Variants in GRIN3A observed in about 807,000 individuals in gnomAD.
GRIN3A encodes the protein glutamate receptor ionotropic, NMDA 3A.
GRIN3A carries 47 observed loss-of-function variants against 92.4 expected under a neutral mutation model. The observed-to-expected ratio is 0.51, with a 90% confidence interval of 0.40 to 0.65. The LOEUF is 0.65. GRIN3A is among the 30% of genes least tolerant of loss of function. GRIN3A has a pLI of 0.00. For missense variants in GRIN3A, 1,324 were observed against 1,393.1 expected (o/e 0.95, Z 0.79); for synonymous variants, 527 against 540.6 (o/e 0.97, Z 0.35).
intron 4 of GRIN3A, 96 bp downstream of exon 4, chr9:101,628,160 T>C (rs1008186088): frequency 8.2e-7 from 1 of 1,220,290 alleles, no homozygotes; most frequent in African/African-American, 1.5e-5. Context: ...GGTATATTCA[T>C]CTGTCATTTT....
chr9:101,702,569 C>T (rs1829769360), intron 1 of GRIN3A, among the ~76,000 whole-genome samples: 1 of 152,124 alleles, frequency 6.6e-6, no homozygotes, highest in Non-Finnish European at 1.5e-5. Flanking sequence ...TGTCATTTCT[C>T]TAAGTTTGGT....
At chr9:101,722,483 C>T (rs534530849) in intron 1 of GRIN3A, among the ~76,000 whole-genome samples, 57 of 152,322 alleles carry the variant, frequency 3.7e-4, no homozygotes, top group Middle Eastern at 3.4e-3. Flanking sequence ...AATGGCAGAT[C>T]CACCAACAGC....
At chr9:101,705,413 C>T (rs1829803537) in intron 1 of GRIN3A, among the ~76,000 whole-genome samples, 1 of 152,166 alleles carries the variant, frequency 6.6e-6, no homozygotes, top group Non-Finnish European at 1.5e-5. Flanking sequence ...CTTCCCACTC[C>T]AGCTCCCCAT....
chr9:101,646,670 T>A (rs1205787146), intron 3 of GRIN3A, among the ~76,000 whole-genome samples: 1 of 151,924 alleles, frequency 6.6e-6, no homozygotes, highest in Non-Finnish European at 1.5e-5. Context: ...TCTTTCCATT[T>A]TTTTCTGTCC....
At chr9:101,638,206 A>G (rs1401030327) in intron 3 of GRIN3A, among the ~76,000 whole-genome samples, 1 of 152,128 alleles carries the variant, frequency 6.6e-6, no homozygotes, top group East Asian at 1.9e-4. Context: ...GCCTATCATC[A>G]TGGTCTCCAA....
At chr9:101,728,973 C>G (rs141527722) in intron 1 of GRIN3A, among the ~76,000 whole-genome samples, 1 of 152,180 alleles carries the variant, frequency 6.6e-6, no homozygotes, top group East Asian at 1.9e-4. Context: ...AGATGAAGCC[C>G]GTATGAAAAA....
chr9:101,649,414 G>A (rs1828981263), intron 3 of GRIN3A, among the ~76,000 whole-genome samples: 1 of 151,970 alleles, frequency 6.6e-6, no homozygotes, highest in Non-Finnish European at 1.5e-5. Context: ...CACTCCAGGT[G>A]GTTCAGCCAT....
At chr9:101,604,327 A>T (rs1828249268) in intron 6 of GRIN3A, among the ~76,000 whole-genome samples, 1 of 152,244 alleles carries the variant, frequency 6.6e-6, no homozygotes, top group Non-Finnish European at 1.5e-5. Context: ...AGACAGATGA[A>T]GATGAGGTCT....
At chr9:101,703,740 C>G (rs139829969) in intron 1 of GRIN3A, among the ~76,000 whole-genome samples, 12 of 152,286 alleles carry the variant, frequency 7.9e-5, no homozygotes, top group African/African-American at 2.4e-4. Context: ...TAACGCATTT[C>G]TCAGAAATTG....
In GRIN3A at chr9:101,670,914, C is replaced by A. The variant is rs750665911; in HGVS notation, c.1498G>T (p.Ala500Ser). 6.2e-7 allele frequency: 1 copy of A among 1,613,142 alleles called. No homozygotes were observed. Among genetic ancestry groups the A allele is most frequent in the South Asian group, 1.1e-5 (1 of 91,044 alleles). Reference sequence around the variant, plus strand: ...TGGAAGTGGGTTTTGTGTCTCTGGGCCTGCTCTGGCCATATTCCATAGTCC... The same window carrying A: ...TGGAAGTGGGTTTTGTGTCTCTGGGACTGCTCTGGCCATATTCCATAGTCC... ...VMDYGIWPEQ[A>S]QRHKTHFQHP... The change falls in exon 3 of 9, where the codon GCC becomes TCC. Residue 500 changes from alanine to serine, a missense_variant. By Grantham distance (99) the Ala-to-Ser change is moderately conservative. Coordinates refer to ENST00000361820, the MANE Select transcript of GRIN3A (RefSeq NM_133445.3).
Position 101,737,974 on chromosome 9 carries a change from C to T in GRIN3A, c.6G>A (p.Arg2=), listed in dbSNP as rs1199902423. The change falls in exon 1 of 9, where the codon AGG becomes AGA. Residue 2 remains arginine (R), a synonymous_variant. Coordinates refer to ENST00000361820, the MANE Select transcript of GRIN3A (RefSeq NM_133445.3). ...TCAGCAGCCACCACAAACTCAGTCT[C>T]CTCATTACTGAGACCCGCAGGGAGA... M[R]RLSLWWLLSR... 5 of 1,535,136 alleles carry T rather than the reference C, an allele frequency of 3.3e-6. No individual in the cohort carries two copies. Among genetic ancestry groups the T allele is most frequent in the East Asian group, 4.9e-5 (2 of 41,088 alleles).
At chr9:101,590,346 CTATTTATTTATTTATTTATT>C (rs35611429) in intron 6 of GRIN3A, among the ~76,000 whole-genome samples, 8,543 of 143,376 alleles carry the variant, frequency 0.06, 322 homozygotes, top group Middle Eastern at 0.12. Context: ...TAATGACACT[CTATTTATTTATTTATTTATT>C]TATTTATTTA....
intron 7 of GRIN3A, among the ~76,000 whole-genome samples, 159 bp from the exon 8 acceptor site, chr9:101,578,003 C>G (rs1367276151): frequency 1.3e-5 from 2 of 152,160 alleles, no homozygotes; most frequent in African/African-American, 4.8e-5. Context: ...CATTCAGCCT[C>G]AAATCTCAAC....
intron 1 of GRIN3A, among the ~76,000 whole-genome samples, chr9:101,732,399 T>C (rs572935736): frequency 1.3e-5 from 2 of 152,302 alleles, no homozygotes; most frequent in Admixed American, 1.3e-4. Context: ...TCAAATATCT[T>C]GGGCATCTTA....
Position 101,616,639 on chromosome 9 carries a change from T to G in GRIN3A, c.2615-3112A>C, listed in dbSNP as rs536943822. Among the ~76,000 whole-genome samples, 36 of 151,110 alleles carry G rather than the reference T, an allele frequency of 2.4e-4. No homozygotes were observed. The South Asian group carries it at 7.6e-3, about 32-fold the overall frequency. On this transcript the variant is annotated intron_variant, in intron 5 of 8. Transcript: ENST00000361820. ...GCCTTTTTCTTTTAAAGAAAAAGAT[T>G]GTGTATCTGCATTAAAAAAGGTATT...
intron 3 of GRIN3A, among the ~76,000 whole-genome samples, chr9:101,640,000 C>T (rs1828834878): frequency 6.6e-6 from 1 of 152,152 alleles, no homozygotes; most frequent in South Asian, 2.1e-4. Context: ...TGTCTTTGTT[C>T]TGGAATGCTC....
intron 6 of GRIN3A, among the ~76,000 whole-genome samples, chr9:101,596,203 CTA>C (rs1478977103): frequency 6.6e-6 from 1 of 152,204 alleles, no homozygotes. Context: ...ACTAGCAAAA[CTA>C]AGCCACTGAT....
At chr9:101,613,043 A>G (rs1828388327) in intron 6 of GRIN3A, among the ~76,000 whole-genome samples, 1 of 152,258 alleles carries the variant, frequency 6.6e-6, no homozygotes, top group Admixed American at 6.5e-5. Flanking sequence ...TAACGATTAA[A>G]TCAAACACTG....
chr9:101,593,647 A>C (rs1385263274), intron 6 of GRIN3A: 1 of 152,304 alleles, frequency 6.6e-6, no homozygotes, highest in Non-Finnish European at 1.5e-5. Context: ...GGTCCCCTTC[A>C]TTGAAATTAA....
Sources: allele counts gnomAD v4.1 joint callset (sites outside exome capture counted in the v4.1 genomes callset), GRCh38; gene constraint gnomAD v4.1.1; transcripts MANE v1.5; gene names NCBI Gene and HGNC (gene_info 2026-07-23, HGNC 2026-07-21).